The following SLCO3A1 variants were observed in gnomAD, a reference collection of about 807,000 sequenced individuals.
The protein encoded by SLCO3A1 is PGE1 transporter.
SLCO3A1 carries 27 observed loss-of-function variants against 63.1 expected under a neutral mutation model. That is an observed-to-expected ratio of 0.43 (90% CI 0.32 to 0.59). The LOEUF is 0.59. Ranked by LOEUF, SLCO3A1 falls within the 20% of genes least tolerant of loss-of-function variation. The pLI, the probability that SLCO3A1 is intolerant of heterozygous loss-of-function variation, is 0.09. For synonymous variants in SLCO3A1, 473 were observed against 409.9 expected (o/e 1.15, Z -1.86); for missense variants, 773 against 945.8 (o/e 0.82, Z 2.40).
At chr15:91,956,968 ATATATATAGTATATATAATATATAG>A (rs1567037030) in intron 2 of SLCO3A1, among the ~76,000 whole-genome samples, 228 of 15,134 alleles carry the variant, frequency 0.015, 25 homozygotes, top group Non-Finnish European at 0.019. Context: ...ATTTATATAT[ATATATATAGTATATATAATATATAG>A]TATATATTAT....
At position 92,126,861 on chromosome 15, in the gene SLCO3A1, T is replaced by C. The variant is rs528565278; in HGVS notation, c.1373+602T>C. 7.9e-5 allele frequency among the ~76,000 whole-genome samples: 12 copies of C among 152,306 alleles called. No homozygotes were observed. The East Asian group carries it at 1.9e-3, about 25-fold the overall frequency. ...GGAGTCTTCAGCTATCCAGTATCAA[T>C]AGCTGTCCCCTTTTCCACATGGGAC... On this transcript the variant is annotated intron_variant, in intron 6 of 9. Coordinates refer to ENST00000318445, the MANE Select transcript of SLCO3A1 (RefSeq NM_013272.4).
rs890099687 is a variant in SLCO3A1 at position 91,862,199 on chromosome 15, C to T, written c.180+8111C>T. Among the ~76,000 whole-genome samples the T allele has an allele frequency of 6.6e-6, 1 of 151,430 alleles. No individual in the cohort carries two copies. The highest frequency in any genetic ancestry group is 2.4e-5 in the African/African-American group (1 of 41,142). On this transcript the variant is annotated intron_variant, in intron 1 of 9. Coordinates refer to ENST00000318445, the MANE Select transcript of SLCO3A1 (RefSeq NM_013272.4). The surrounding 1 kb of genome is among the most constrained non-coding windows in gnomAD (Gnocchi z 4.0). ...GAGACAGTCTCACACTGTTGCCCAGCCTGGAGTGCAGTGGCATGACCTCAG... is the reference window on the plus strand; with the variant it reads ...GAGACAGTCTCACACTGTTGCCCAGTCTGGAGTGCAGTGGCATGACCTCAG...
At chr15:92,112,678 A>G (rs2047743433) in intron 4 of SLCO3A1, among the ~76,000 whole-genome samples, 2 of 152,204 alleles carry the variant, frequency 1.3e-5, no homozygotes, top group South Asian at 2.1e-4. Flanking sequence ...GGGACATGTA[A>G]TGGCAGGGGA....
At chr15:91,899,591 A>G (rs978346376) in intron 1 of SLCO3A1, among the ~76,000 whole-genome samples, 1 of 152,152 alleles carries the variant, frequency 6.6e-6, no homozygotes, top group Middle Eastern at 3.4e-3. Context: ...ATTTCTGTGC[A>G]TTGTCTTTTT....
intron 1 of SLCO3A1, among the ~76,000 whole-genome samples, chr15:91,878,562 C>T (rs1897464302): frequency 1.3e-5 from 2 of 152,208 alleles, no homozygotes; most frequent in South Asian, 4.1e-4. Context: ...GAAGCTTCCG[C>T]TCGGTATGCA....
chr15:91,982,127 G>T (rs995067695), intron 2 of SLCO3A1, among the ~76,000 whole-genome samples: 2 of 152,254 alleles, frequency 1.3e-5, no homozygotes, highest in Non-Finnish European at 2.9e-5. Flanking sequence ...AAGAGCTCTT[G>T]CCAATGCCGT....
intron 3 of SLCO3A1, among the ~76,000 whole-genome samples, chr15:92,102,367 TATACATATATGTAC>T (rs1167058634): frequency 6.6e-6 from 1 of 152,238 alleles, no homozygotes; most frequent in African/African-American, 2.4e-5. Flanking sequence ...TTCTCATTTA[TATACATATATGTAC>T]ATAAAAGTGA....
chr15:91,987,742 TA>T (rs35508138), intron 2 of SLCO3A1, among the ~76,000 whole-genome samples: 201 of 138,400 alleles, frequency 1.5e-3, no homozygotes, highest in Admixed American at 3.2e-3. Context: ...AGACTTTGTC[TA>T]AAAAAAAAAA....
intron 2 of SLCO3A1, among the ~76,000 whole-genome samples, chr15:91,978,767 G>A (rs1159784617): frequency 6.6e-6 from 1 of 152,252 alleles, no homozygotes; most frequent in Non-Finnish European, 1.5e-5. Context: ...GAATACTACT[G>A]TTAGGAACAG....
rs537542977 is a variant in SLCO3A1, at chr15:92,113,247, C to G, written c.1010-7218C>G. Among the ~76,000 whole-genome samples, 6 of 152,236 alleles carry G rather than the reference C, an allele frequency of 3.9e-5. No individual in the cohort carries two copies. In the East Asian group the frequency reaches 1.2e-3, roughly 29 times the overall value. Reference sequence around the variant, plus strand: ...GGGCGACACCAATTTGGAGCTGCAGCTTGCAGGAAGCTAACTGCACCTCTG... The same window carrying G: ...GGGCGACACCAATTTGGAGCTGCAGGTTGCAGGAAGCTAACTGCACCTCTG... On this transcript the variant is annotated intron_variant, in intron 4 of 9. Transcript: ENST00000318445.
At chr15:92,151,202 A>G in intron 9 of SLCO3A1, 188 bp downstream of exon 9, 1 of 553,374 alleles carries the variant, frequency 1.8e-6, no homozygotes, top group East Asian at 3.1e-5. Context: ...CCTCGATATC[A>G]CGAAGTTCTC....
At chr15:92,106,335 G>A (rs186246123) in intron 4 of SLCO3A1, among the ~76,000 whole-genome samples, 139 of 152,094 alleles carry the variant, frequency 9.1e-4, no homozygotes, top group Non-Finnish European at 6.2e-4. Flanking sequence ...GAATGCCCCC[G>A]TCCTCATGCA....
At chr15:92,125,674 C>A (rs527571426) in intron 5 of SLCO3A1, among the ~76,000 whole-genome samples, 1 of 151,994 alleles carries the variant, frequency 6.6e-6, no homozygotes, top group East Asian at 2.0e-4. Context: ...CATCTCATCT[C>A]AAAAATGCTC....
intron 2 of SLCO3A1, among the ~76,000 whole-genome samples, chr15:92,019,047 C>T (rs1471858311): frequency 7.3e-5 from 11 of 151,412 alleles, no homozygotes; most frequent in East Asian, 3.9e-4. Flanking sequence ...GCGTCATTAA[C>T]GAGGCAGGTG....
intron 2 of SLCO3A1, among the ~76,000 whole-genome samples, chr15:91,918,009 T>C (rs988404708): frequency 4.6e-5 from 7 of 152,214 alleles, no homozygotes; most frequent in Non-Finnish European, 8.8e-5. Flanking sequence ...GAAAAATTTC[T>C]CCCCAGAGTC....
chr15:91,965,670 C>T (rs1226982256), intron 2 of SLCO3A1, among the ~76,000 whole-genome samples: 2 of 152,022 alleles, frequency 1.3e-5, no homozygotes, highest in Non-Finnish European at 2.9e-5. Context: ...GGCACCAAGT[C>T]CAAAGGAATC....
chr15:92,154,133 CGT>C (rs2048342508), intron 9 of SLCO3A1, among the ~76,000 whole-genome samples: 1 of 152,072 alleles, frequency 6.6e-6, no homozygotes, highest in South Asian at 2.1e-4. Context: ...GACAGAGGCT[CGT>C]GCCGAGATGG....
At chr15:91,972,102 C>T (rs1193460668) in intron 2 of SLCO3A1, among the ~76,000 whole-genome samples, 1 of 151,942 alleles carries the variant, frequency 6.6e-6, no homozygotes, top group Admixed American at 6.6e-5. Flanking sequence ...TGAGAATTGA[C>T]TATATAAAGG....
chr15:91,989,641 G>A (rs2046101479), intron 2 of SLCO3A1, among the ~76,000 whole-genome samples: 1 of 152,182 alleles, frequency 6.6e-6, no homozygotes, highest in Admixed American at 6.5e-5. Flanking sequence ...TTACCTCGTT[G>A]CTCTGCATCA....
Sources: gnomAD v4.1 joint callset for allele counts (sites outside exome capture counted in the v4.1 genomes callset) on GRCh38, gnomAD v4.1.1 for gene constraint, Gnocchi (gnomAD v3.1) non-coding constraint, MANE v1.5 for transcripts, NCBI Gene and HGNC (gene_info 2026-07-23, HGNC 2026-07-21) for gene names.